The following HNRNPLL variants were observed in gnomAD, a reference collection of about 807,000 sequenced individuals.
The protein encoded by HNRNPLL is heterogeneous nuclear ribonucleoprotein L like, also known as heterogeneous nuclear ribonucleoprotein L-like.
HNRNPLL carries 25 observed loss-of-function variants against 67.1 expected under a neutral mutation model. The ratio of observed to expected loss-of-function variants is 0.37; its 90% CI spans 0.27 to 0.52. The LOEUF is 0.52. HNRNPLL is among the 20% of genes least tolerant of loss of function. The pLI is 0.90. For synonymous variants in HNRNPLL, 267 were observed against 241.7 expected (o/e 1.10, Z -0.97); for missense variants, 542 against 673.9 (o/e 0.80, Z 2.17).
In HNRNPLL at chr2:38,591,520, T is replaced by A; in HGVS notation, c.308+10A>T. 1.4e-6 allele frequency: 2 copies of A among 1,397,782 alleles called. No individual in the cohort carries two copies. The highest frequency in any genetic ancestry group is 2.3e-5 in the South Asian group (2 of 86,584). 86.6% of individuals were successfully genotyped at this position (1,397,782 alleles called of 1,614,324 possible). A position where few individuals can be genotyped will look rare whatever the true frequency, so the allele number is the denominator to read the frequency against. On this transcript the variant is annotated intron_variant, in intron 2 of 12. Coordinates refer to ENST00000449105, the MANE Select transcript of HNRNPLL (RefSeq NM_138394.4). ...GTTTTCAATCTACATGAAGTCCCTA[T>A]CATCCTTACCATATTGTCCCAAATT...
intron 7 of HNRNPLL, among the ~76,000 whole-genome samples, chr2:38,576,528 G>C (rs893153215): frequency 1.3e-5 from 2 of 151,386 alleles, no homozygotes; most frequent in African/African-American, 4.8e-5. Context: ...ATAGACTATG[G>C]AACCTTGAAG....
intron 1 of HNRNPLL, 109 bp downstream of exon 1, chr2:38,602,329 G>A: frequency 1.9e-6 from 2 of 1,077,116 alleles, no homozygotes; most frequent in Non-Finnish European, 2.6e-6. Flanking sequence ...CCCCAAACGG[G>A]TCGGCGCAGC....
intron 2 of HNRNPLL, among the ~76,000 whole-genome samples, chr2:38,589,274 T>A (rs377501816): frequency 1.3e-5 from 2 of 152,212 alleles, no homozygotes; most frequent in African/African-American, 4.8e-5. Flanking sequence ...TTTTTATATA[T>A]AAGCTTACTA....
At chr2:38,593,173 C>G (rs1455690840) in intron 1 of HNRNPLL, among the ~76,000 whole-genome samples, 1 of 152,198 alleles carries the variant, frequency 6.6e-6, no homozygotes, top group African/African-American at 2.4e-5. Flanking sequence ...AAACAGATAT[C>G]CCTTACATGC....
intron 6 of HNRNPLL, chr2:38,578,134 G>A: frequency 2.5e-6 from 1 of 398,848 alleles, no homozygotes; most frequent in South Asian, 1.9e-5. Context: ...ATAGGTCATT[G>A]TCTATTGACC....
intron 12 of HNRNPLL, chr2:38,566,042 G>A: frequency 3.0e-6 from 3 of 987,496 alleles, no homozygotes; most frequent in Non-Finnish European, 3.6e-6. Context: ...AAATACCCTG[G>A]AGATCCAGGA....
At position 38,573,135 on chromosome 2, in the gene HNRNPLL, G is replaced by T. The variant is rs1358219887; in HGVS notation, c.1092+75C>A. The T allele has an allele frequency of 2.0e-5, 18 of 912,554 alleles. No homozygotes were observed. The African/African-American group carries it at 2.7e-4, about 14-fold the overall frequency. The allele number at this position is 912,554 out of a possible 1,614,324, so 56.5% of individuals were successfully genotyped here. On this transcript the variant is annotated intron_variant, in intron 8 of 12. Transcript: ENST00000449105. The stretch of plus-strand genomic sequence containing the variant: ...TTGGATATTCCTGATACAAGGAGAA[G>T]ACACATATTTGCAGCCTTTTCAGAG...
chr2:38,602,203 G>T, intron 1 of HNRNPLL: 1 of 499,540 alleles, frequency 2.0e-6, no homozygotes, highest in Non-Finnish European at 3.5e-6. Flanking sequence ...CAAGTTCAGG[G>T]CCCGGCAGTG....
At chr2:38,586,902 G>C (rs1666757082) in intron 2 of HNRNPLL, among the ~76,000 whole-genome samples, 1 of 152,134 alleles carries the variant, frequency 6.6e-6, no homozygotes, top group African/African-American at 2.4e-5. Context: ...TTTAATACAG[G>C]AAATGAAGAA....
rs573497403 is a variant in HNRNPLL, at chr2:38,587,199, A to G, written c.309-1318T>C. Among the ~76,000 whole-genome samples, 7 of 152,334 alleles carry G rather than the reference A, an allele frequency of 4.6e-5. No individual in the cohort carries two copies. In the East Asian group the frequency reaches 1.2e-3, roughly 25 times the overall value. On this transcript the variant is annotated intron_variant, in intron 2 of 12. Coordinates refer to ENST00000449105, the MANE Select transcript of HNRNPLL (RefSeq NM_138394.4). The stretch of plus-strand genomic sequence containing the variant: ...AATGGTACAGTATTAATAAGAAAGA[A>G]ACAGATCACCTTACAGCCTGGCAAA...
rs1289607275 is a variant in HNRNPLL, at chr2:38,568,271, A to G, written c.1501T>C (p.Leu501=). The G allele has an allele frequency of 1.2e-6, 2 of 1,613,530 alleles. No homozygotes were observed. Among genetic ancestry groups the G allele is most frequent in the South Asian group, 2.2e-5 (2 of 91,068 alleles). Reference sequence around the variant, plus strand: ...GCATCAGTTTTGCACTCCCATTCTAATAGCCCAGAAAGTGTTTTGGCTGAA... The same window carrying G: ...GCATCAGTTTTGCACTCCCATTCTAGTAGCCCAGAAAGTGTTTTGGCTGAA... ...KPSAKTLSGL[L]EWECKTDAVE... The change falls in exon 12 of 13, where the codon TTA becomes CTA. Residue 501 remains leucine (L), a synonymous_variant. Coordinates refer to ENST00000449105, the MANE Select transcript of HNRNPLL (RefSeq NM_138394.4).
intron 8 of HNRNPLL, among the ~76,000 whole-genome samples, chr2:38,572,502 CTT>C (rs561698543): frequency 1.3e-5 from 2 of 152,088 alleles, no homozygotes; most frequent in Non-Finnish European, 2.9e-5. Flanking sequence ...CTACTGGTAA[CTT>C]AAGACTACCA....
At chr2:38,573,504 G>A in intron 7 of HNRNPLL, 77 bp from the exon 8 acceptor site, 1 of 896,488 alleles carries the variant, frequency 1.1e-6, no homozygotes, top group Non-Finnish European at 1.7e-6. Context: ...TAGATATACT[G>A]CACCACACAC....
intron 4 of HNRNPLL, among the ~76,000 whole-genome samples, chr2:38,583,088 C>T (rs1666596486): frequency 2.0e-5 from 3 of 151,890 alleles, no homozygotes; most frequent in Non-Finnish European, 2.9e-5. Flanking sequence ...CAAAGTAATA[C>T]AAAACAAATA....
intron 10 of HNRNPLL, 90 bp from the exon 11 acceptor site, chr2:38,568,533 T>A (rs1665957340): frequency 1.3e-6 from 1 of 776,104 alleles, no homozygotes. Flanking sequence ...AGAATTTAAG[T>A]TTTAATTCTC....
chr2:38,574,287 C>T (rs1558533035), intron 7 of HNRNPLL, among the ~76,000 whole-genome samples: 3 of 151,720 alleles, frequency 2.0e-5, no homozygotes, highest in African/African-American at 2.4e-5. Context: ...ACACAGGGCA[C>T]ATTTTACAGC....
chr2:38,602,718 G>A lies in HNRNPLL; in HGVS notation c.-92C>T, dbSNP rs1667503743. On this transcript the variant is annotated 5_prime_UTR_variant, in exon 1 of 13. Transcript: ENST00000449105. The stretch of plus-strand genomic sequence containing the variant: ...CGCCGGCCAGTCCTCGCCGCCGGCA[G>A]CGCCTCTTCTGCGAGGGTCTCCGCG... 17 of 1,438,856 alleles carry A rather than the reference G, an allele frequency of 1.2e-5. No individual in the cohort carries two copies. Among genetic ancestry groups the A allele is most frequent in the Non-Finnish European group, 1.5e-5 (16 of 1,098,862 alleles). 89.1% of individuals were successfully genotyped at this position (1,438,856 alleles called of 1,614,324 possible).
chr2:38,570,353 CATT>C (rs757522393), intron 8 of HNRNPLL, among the ~76,000 whole-genome samples: 106 of 152,274 alleles, frequency 7.0e-4, no homozygotes, highest in Admixed American at 1.5e-3. Context: ...TGTTAACAGA[CATT>C]ATCTTCTTGA....
chr2:38,590,034 G>C (rs1558542771), intron 2 of HNRNPLL, among the ~76,000 whole-genome samples: 2 of 152,136 alleles, frequency 1.3e-5, no homozygotes, highest in African/African-American at 4.8e-5. Context: ...TCTCCACGCA[G>C]ATTTAATTCC....
Sources: allele counts gnomAD v4.1 joint callset (sites outside exome capture counted in the v4.1 genomes callset), GRCh38; gene constraint gnomAD v4.1.1; transcripts MANE v1.5; gene names NCBI Gene and HGNC (gene_info 2026-07-23, HGNC 2026-07-21).